The following FRMD4B variants were observed in gnomAD, a reference collection of about 807,000 sequenced individuals.
FRMD4B encodes the protein FERM domain-containing protein 4B.
In FRMD4B, 74 loss-of-function variants were observed where a neutral mutation model predicts 141.5. That is an observed-to-expected ratio of 0.52 (90% confidence interval 0.43 to 0.63). FRMD4B has a LOEUF of 0.63. Among genes scored for constraint, FRMD4B ranks in the 30% least tolerant of loss-of-function variants. The pLI, the probability that FRMD4B is intolerant of heterozygous loss-of-function variation, is 0.00. For synonymous variants in FRMD4B, 506 were observed against 467.9 expected, an observed-to-expected ratio of 1.08 and a Z score of -1.05; for missense variants, 1,366 against 1,253.4, an observed-to-expected ratio of 1.09 and a Z score of -1.36.
rs577082094 is a variant in FRMD4B at position 69,453,741 on chromosome 3, C to T, written c.-128-20980G>A. Among the ~76,000 whole-genome samples, 14 of 152,292 alleles carry T rather than the reference C, an allele frequency of 9.2e-5. No homozygotes were observed. In the South Asian group the frequency reaches 2.9e-3, roughly 32 times the overall value. On this transcript the variant is annotated intron_variant, in intron 1 of 5. Transcript: ENST00000459638. ...AAAAGGAGGAGATGATTATCTGACG[C>T]TTTGAGAGCAGGTCCTGGCCAAGTG...
chr3:69,410,123 C>T (rs960838591), intron 2 of FRMD4B, among the ~76,000 whole-genome samples: 9 of 152,210 alleles, frequency 5.9e-5, no homozygotes, highest in African/African-American at 2.2e-4. Context: ...GCTTGCTTCC[C>T]TCAGACTGTG....
At chr3:69,401,976 A>G (rs1184482960) in intron 2 of FRMD4B, among the ~76,000 whole-genome samples, 1 of 152,224 alleles carries the variant, frequency 6.6e-6, no homozygotes, top group Non-Finnish European at 1.5e-5. Flanking sequence ...ATAATAAATG[A>G]TTAAATGCAG....
chr3:69,400,380 T>C (rs1016764816), intron 2 of FRMD4B, among the ~76,000 whole-genome samples: 2 of 88,724 alleles, frequency 2.3e-5, no homozygotes, highest in African/African-American at 8.1e-5. Flanking sequence ...AGACCCTGTC[T>C]CTCAAGAAAA....
At chr3:69,535,904 A>T (rs1407674480) in intron 1 of FRMD4B, 6 of 418,510 alleles carry the variant, frequency 1.4e-5, no homozygotes, top group African/African-American at 1.2e-4. Context: ...CCTTGCTGAC[A>T]GTGGGTTTTG....
At chr3:69,541,408 CCACA>C (rs903499857) in intron 1 of FRMD4B, 2 of 152,248 alleles carry the variant, frequency 1.3e-5, no homozygotes, top group African/African-American at 4.8e-5. Context: ...AAGGAAGCGG[CCACA>C]CAAAGGAGAG....
At chr3:69,254,161 G>A (rs1355285367) in intron 5 of FRMD4B, among the ~76,000 whole-genome samples, 1 of 152,022 alleles carries the variant, frequency 6.6e-6, no homozygotes, top group African/African-American at 2.4e-5. Flanking sequence ...CTGGAGTGCA[G>A]TGGTATGATC....
chr3:69,355,556 C>T (rs920474464), intron 1 of FRMD4B, among the ~76,000 whole-genome samples: 4 of 152,020 alleles, frequency 2.6e-5, no homozygotes, highest in Non-Finnish European at 4.4e-5. Flanking sequence ...GAAGGACAAT[C>T]GGAATGTTGA....
intron 1 of FRMD4B, among the ~76,000 whole-genome samples, chr3:69,510,128 A>G (rs1399328270): frequency 6.6e-6 from 1 of 152,056 alleles, no homozygotes; most frequent in African/African-American, 2.4e-5. Flanking sequence ...CGTCCAGAAC[A>G]ATTTTGTCTA....
intron 1 of FRMD4B, among the ~76,000 whole-genome samples, chr3:69,361,886 T>C (rs760385607): frequency 6.6e-6 from 1 of 152,224 alleles, no homozygotes; most frequent in African/African-American, 2.4e-5. Flanking sequence ...TGTGCATGAA[T>C]AGAGCTAACA....
At chr3:69,518,224 C>A (rs1700797312) in intron 1 of FRMD4B, among the ~76,000 whole-genome samples, 1 of 152,082 alleles carries the variant, frequency 6.6e-6, no homozygotes, top group Non-Finnish European at 1.5e-5. Flanking sequence ...AGTAGGTATA[C>A]TTTACTGTAT....
intron 1 of FRMD4B, among the ~76,000 whole-genome samples, chr3:69,326,559 C>T (rs912594176): frequency 2.0e-5 from 3 of 152,212 alleles, no homozygotes; most frequent in Non-Finnish European, 4.4e-5. Flanking sequence ...TCTGCTTTTA[C>T]ATACATTTTC....
At chr3:69,225,207 A>G (rs2093238692) in intron 7 of FRMD4B, among the ~76,000 whole-genome samples, 1 of 152,218 alleles carries the variant, frequency 6.6e-6, no homozygotes, top group East Asian at 1.9e-4. Context: ...CCACCTGTAG[A>G]AATCTCTTGA....
At chr3:69,203,084 TAAA>T (rs11313220) in intron 11 of FRMD4B, among the ~76,000 whole-genome samples, 2 of 137,464 alleles carry the variant, frequency 1.5e-5, no homozygotes, top group African/African-American at 2.7e-5. Context: ...TAAGATGAAG[TAAA>T]AAAAAAAAAA....
intron 1 of FRMD4B, among the ~76,000 whole-genome samples, chr3:69,511,943 A>T (rs2107102679): frequency 6.6e-6 from 1 of 152,340 alleles, no homozygotes; most frequent in East Asian, 1.9e-4. Context: ...CAGCGAAGAC[A>T]TCCTGGAGGG....
chr3:69,433,422 C>T (rs1419841336), intron 1 of FRMD4B, among the ~76,000 whole-genome samples: 1 of 152,204 alleles, frequency 6.6e-6, no homozygotes, highest in African/African-American at 2.4e-5. Flanking sequence ...AGTGTAAAAA[C>T]AGGACAAGGA....
intron 3 of FRMD4B, 40 bp from the exon 4 acceptor site, chr3:69,302,475 T>A (rs1258244877): frequency 4.9e-6 from 6 of 1,222,518 alleles, no homozygotes; most frequent in African/African-American, 1.5e-5. Flanking sequence ...CAACAGAAAG[T>A]CAGAAAAGTT....
At chr3:69,459,791 G>A (rs1431672108) in intron 1 of FRMD4B, among the ~76,000 whole-genome samples, 1 of 152,186 alleles carries the variant, frequency 6.6e-6, no homozygotes, top group African/African-American at 2.4e-5. Context: ...ACTACCAGGA[G>A]CATAACAGGC....
intron 1 of FRMD4B, among the ~76,000 whole-genome samples, chr3:69,350,415 G>T (rs570133014): frequency 6.6e-6 from 1 of 152,276 alleles, no homozygotes; most frequent in East Asian, 1.9e-4. Context: ...AGACAGTGTG[G>T]CGATTCCTCA....
chr3:69,305,569 T>C (rs1420082657), intron 3 of FRMD4B, among the ~76,000 whole-genome samples: 1 of 152,122 alleles, frequency 6.6e-6, no homozygotes, highest in Non-Finnish European at 1.5e-5. Context: ...ATCTCAAAAG[T>C]TTTCTTAGGA....
Sources: gnomAD v4.1 joint callset for allele counts (sites outside exome capture counted in the v4.1 genomes callset) on GRCh38, gnomAD v4.1.1 for gene constraint, MANE v1.5 for transcripts, NCBI Gene and HGNC (gene_info 2026-07-23, HGNC 2026-07-21) for gene names.